Variants in STS observed in about 807,000 individuals in gnomAD.
The protein encoded by STS is steryl-sulfatase.
A neutral mutation model predicts 26.8 loss-of-function variants in STS; 7 were observed. The observed-to-expected ratio is 0.26, with a 90% CI of 0.15 to 0.49. The LOEUF is 0.49. Ranked by LOEUF, STS falls within the 20% of genes least tolerant of loss-of-function variation. STS has a pLI of 0.98. For missense variants in STS, 434 were observed against 465.6 expected (o/e 0.93, Z 0.63); for synonymous variants, 199 against 189.4 (o/e 1.05, Z -0.42).
chrX:7,196,492 C>T (rs1364281721), intron 2 of STS, among the ~76,000 whole-genome samples: 1 of 92,440 alleles, frequency 1.1e-5, no homozygotes, highest in African/African-American at 4.1e-5. Flanking sequence ...GTATTCTTGT[C>T]CTTTCTTACT....
intron 1 of STS, among the ~76,000 whole-genome samples, chrX:7,167,936 C>T (rs1933385584): frequency 9.1e-6 from 1 of 110,417 alleles, no homozygotes; most frequent in South Asian, 3.9e-4. Flanking sequence ...TGAAGTGATC[C>T]TCTCATCTCA....
chrX:7,205,474 G>A (rs1156760388), intron 2 of STS, among the ~76,000 whole-genome samples: 2 of 111,484 alleles, frequency 1.8e-5, no homozygotes, highest in South Asian at 3.8e-4. Context: ...TTCAGCTTGA[G>A]GAGCAAATAG....
At chrX:7,200,294 A>G (rs1211539017) in intron 2 of STS, among the ~76,000 whole-genome samples, 4 of 111,509 alleles carry the variant, frequency 3.6e-5, no homozygotes, top group Non-Finnish European at 7.5e-5. Context: ...TTCAATAACT[A>G]TGATGTAATT....
At chrX:7,253,602 C>T (rs1376180070) in intron 3 of STS, among the ~76,000 whole-genome samples, 1 of 112,073 alleles carries the variant, frequency 8.9e-6, no homozygotes, top group Non-Finnish European at 1.9e-5. Flanking sequence ...CTAATGGCTA[C>T]GATGCTGCTT....
At chrX:7,334,567 G>GC (rs1411849434) in intron 10 of STS, among the ~76,000 whole-genome samples, 5 of 111,358 alleles carry the variant, frequency 4.5e-5, no homozygotes, top group South Asian at 3.8e-4. Context: ...ACTCCTCAAT[G>GC]CCCCCCAGGC....
rs146625164 is a variant in STS, at chrX:7,205,845, G to C, written c.-5+14837G>C. ...TGCCCAGTCTGGTCTGGAGCTCCCA[G>C]GCTCAAGCAATCTTCCTGCCTCAGC... On this transcript the variant is annotated intron_variant, in intron 2 of 10. Transcript: ENST00000674429. Among the ~76,000 whole-genome samples the C allele has an allele frequency of 1.5e-4, 16 of 108,484 alleles. 1 individual carries two copies. In the East Asian group the frequency reaches 3.8e-3, roughly 26 times the overall value. 94.2% of individuals were successfully genotyped at this position (108,484 alleles called of 115,157 possible).
chrX:7,299,914 C>T (rs192749582), intron 7 of STS, among the ~76,000 whole-genome samples: 14 of 111,736 alleles, frequency 1.3e-4, no homozygotes, highest in Non-Finnish European at 1.1e-4. Context: ...TATGCTGTGG[C>T]ACCTCACTCA....
intron 1 of STS, among the ~76,000 whole-genome samples, chrX:7,175,516 C>CAAAAG (rs1933553470): frequency 9.2e-6 from 1 of 109,154 alleles, no homozygotes. Flanking sequence ...CAAAACAAAA[C>CAAAAG]CCCACCTCTG....
chrX:7,257,331 C>G lies in STS; in HGVS notation c.227C>G (p.Ala76Gly). ...CCGCTGTGCACACCAAGCAGGGCAG[C>G]CTTCATGACTGGCCGGTACCCTGTC... ...ASPLCTPSRA[A>G]FMTGRYPVRS... Residue 76 changes from alanine to glycine, a missense_variant, in exon 4 of 11, where the codon GCC becomes GGC. By Grantham distance (60) the Ala-to-Gly change is moderately conservative (BLOSUM62 0). This residue lies in a region of STS where 229 missense variants were observed against 288.3 expected (regional missense o/e 0.79). Coordinates refer to ENST00000674429, the MANE Select transcript of STS (RefSeq NM_001320752.2). The G allele has an allele frequency of 1.7e-6, 2 of 1,212,086 alleles. No individual in the cohort carries two copies.
At chrX:7,242,911 A>G (rs1417469695) in intron 2 of STS, among the ~76,000 whole-genome samples, 1 of 112,076 alleles carries the variant, frequency 8.9e-6, no homozygotes, top group Admixed American at 9.5e-5. Context: ...TAGGACTGCT[A>G]TAATGTCATC....
intron 2 of STS, among the ~76,000 whole-genome samples, chrX:7,202,504 T>C (rs998265484): frequency 1.8e-5 from 2 of 111,910 alleles, no homozygotes; most frequent in Non-Finnish European, 1.9e-5. Flanking sequence ...GGGAAGGGGA[T>C]TACTGCATTT....
At chrX:7,243,124 G>A (rs1466022234) in intron 2 of STS, among the ~76,000 whole-genome samples, 2 of 112,061 alleles carry the variant, frequency 1.8e-5, no homozygotes, top group Non-Finnish European at 3.8e-5. Context: ...GTACAGTGGC[G>A]CAATCATAGC....
intron 9 of STS, 69 bp from the exon 10 acceptor site, chrX:7,333,917 T>C: frequency 2.5e-5 from 30 of 1,201,308 alleles, no homozygotes; most frequent in Non-Finnish European, 3.3e-5. Context: ...CATGCTCTTA[T>C]TGGTTCAGAA....
chrX:7,279,341 G>GTGTGTGTGTGTGTGTA (rs1486153831), intron 7 of STS, among the ~76,000 whole-genome samples: 14 of 74,591 alleles, frequency 1.9e-4, no homozygotes, highest in African/African-American at 8.2e-4. Flanking sequence ...GTGTGTGTAT[G>GTGTGTGTGTGTGTGTA]TGTGTGTGTG....
At chrX:7,279,806 T>G (rs1350306295) in intron 7 of STS, among the ~76,000 whole-genome samples, 1 of 110,789 alleles carries the variant, frequency 9.0e-6, no homozygotes, top group Non-Finnish European at 1.9e-5. Context: ...GTTTAGCATG[T>G]CAAAATGCAA....
At chrX:7,194,247 G>A (rs959197302) in intron 2 of STS, among the ~76,000 whole-genome samples, 51 of 104,725 alleles carry the variant, frequency 4.9e-4, no homozygotes, top group African/African-American at 2.0e-3. Flanking sequence ...CAAAACTGTC[G>A]TTGTGTGCCG....
intron 10 of STS, among the ~76,000 whole-genome samples, chrX:7,342,703 G>A (rs745699195): frequency 8.9e-6 from 1 of 112,544 alleles, no homozygotes; most frequent in Non-Finnish European, 1.9e-5. Context: ...GGGGGTTTGT[G>A]CTATGGTAAA....
At chrX:7,241,880 A>G (rs1922635400) in intron 2 of STS, among the ~76,000 whole-genome samples, 1 of 111,759 alleles carries the variant, frequency 8.9e-6, no homozygotes, top group Non-Finnish European at 1.9e-5. Flanking sequence ...GCTCATTCAG[A>G]TAGTTGCAGG....
chrX:7,238,984 T>C (rs1396323238), intron 2 of STS, among the ~76,000 whole-genome samples: 1 of 111,698 alleles, frequency 9.0e-6, no homozygotes, highest in Non-Finnish European at 1.9e-5. Flanking sequence ...CTTACTTTTT[T>C]AAACATAATT....
Sources: allele counts gnomAD v4.1 joint callset (sites outside exome capture counted in the v4.1 genomes callset), GRCh38; gene constraint gnomAD v4.1.1; regional missense constraint gnomAD v4.1.1; transcripts MANE v1.5; gene names NCBI Gene and HGNC (gene_info 2026-07-23, HGNC 2026-07-21).